Variants in NF2 observed in about 807,000 individuals in gnomAD.
NF2 encodes merlin.
Under a neutral mutation model 83.7 loss-of-function variants are expected in NF2, and 8 were observed. The observed-to-expected ratio is 0.10, with a 90% confidence interval of 0.06 to 0.17. The LOEUF is 0.17. Among genes scored for constraint, NF2 ranks in the 10% least tolerant of loss-of-function variants. The probability of loss-of-function intolerance (pLI) is 1.00; values close to 1 mark genes in which losing one functional copy is unlikely to be tolerated. For missense variants in NF2, 533 were observed against 744.4 expected, an observed-to-expected ratio of 0.72 and a Z score of 3.31; for synonymous variants, 266 against 269.6, an observed-to-expected ratio of 0.99 and a Z score of 0.13.
chr22:29,629,129 A>G (rs2065445586), intron 1 of NF2, among the ~76,000 whole-genome samples: 1 of 152,030 alleles, frequency 6.6e-6, no homozygotes, highest in South Asian at 2.1e-4. Context: ...GTTGAGAATA[A>G]TGGCTGAGGT....
rs572961843 is a variant in NF2, at chr22:29,643,995, G to A, written c.447+1710G>A. ...TGACCCCCCCACCTCCCTCCCGGAC[G>A]GGGCGGCTGGCCTGGCCGGGGGGCT... On this transcript the variant is annotated intron_variant, in intron 4 of 15. Coordinates refer to ENST00000338641, the MANE Select transcript of NF2 (RefSeq NM_000268.4). 5.8e-3 allele frequency among the ~76,000 whole-genome samples: 868 copies of A among 150,122 alleles called. 4 individuals are homozygous for A. Among genetic ancestry groups the A allele is most frequent in the Middle Eastern group, 0.025 (7 of 284 alleles).
chr22:29,653,774 T>G (rs377156333), intron 4 of NF2, among the ~76,000 whole-genome samples: 89 of 152,204 alleles, frequency 5.8e-4, no homozygotes, highest in African/African-American at 2.0e-3. Context: ...TGACCTTTGT[T>G]TTTTCACTGT....
rs1317813210 is a variant in NF2, at chr22:29,683,235, C to T, written c.1737+1634C>T. On this transcript the variant is annotated intron_variant, in intron 15 of 15. Transcript: ENST00000338641. The stretch of plus-strand genomic sequence containing the variant: ...TTTGAGTCTAAAAGTAGGCACCCAC[C>T]CTGTGAAGCCAGACCAGCCTCCAGG... The T allele has an allele frequency of 7.7e-6, 12 of 1,550,684 alleles. No individual in the cohort carries two copies. In the East Asian group the frequency reaches 2.6e-4, roughly 33 times the overall value.
At position 29,608,655 on chromosome 22, in the gene NF2, C is replaced by T. The variant is rs373694581; in HGVS notation, c.114+4543C>T. Among the ~76,000 whole-genome samples the T allele has an allele frequency of 2.1e-5, 3 of 145,668 alleles. No individual in the cohort carries two copies. In the East Asian group the frequency reaches 6.0e-4, roughly 29 times the overall value. On this transcript the variant is annotated intron_variant, in intron 1 of 15. Coordinates refer to ENST00000338641, the MANE Select transcript of NF2 (RefSeq NM_000268.4). ...CTGCCCTCCAACCTGGGTGACAGAG[C>T]GAGACTCCATCCCTGCCCTGAAAAA... is the stretch of plus-strand genomic sequence containing the variant.
intron 1 of NF2, among the ~76,000 whole-genome samples, chr22:29,622,503 G>T (rs2065238773): frequency 6.6e-6 from 1 of 152,068 alleles, no homozygotes; most frequent in Non-Finnish European, 1.5e-5. Context: ...TGCCCACCTA[G>T]ATAGCAATTG....
chr22:29,682,080 T>C (rs1235074495), intron 15 of NF2, among the ~76,000 whole-genome samples: 1 of 152,182 alleles, frequency 6.6e-6, no homozygotes, highest in Non-Finnish European at 1.5e-5. Flanking sequence ...AACCTCTTTG[T>C]TTTAAAAGAG....
intron 7 of NF2, 94 bp downstream of exon 7, chr22:29,658,358 T>TA: frequency 9.5e-7 from 1 of 1,049,506 alleles, no homozygotes; most frequent in Non-Finnish European, 1.5e-6. Flanking sequence ...TCCAAGGCGA[T>TA]AGACTCTTTT....
intron 8 of NF2, among the ~76,000 whole-genome samples, chr22:29,663,195 C>T (rs1204942471): frequency 6.6e-6 from 1 of 152,290 alleles, no homozygotes; most frequent in Non-Finnish European, 1.5e-5. Context: ...ATGTGTGCCA[C>T]CGTATGGTAG....
At chr22:29,687,022 C>T (rs1312726976) in intron 15 of NF2, among the ~76,000 whole-genome samples, 1 of 152,134 alleles carries the variant, frequency 6.6e-6, no homozygotes, top group Admixed American at 6.5e-5. Flanking sequence ...TGTGGCGTAA[C>T]TGTACCACCA....
In NF2 at chr22:29,678,480, C is replaced by G. The variant is rs942548624; in HGVS notation, c.1574+157C>G. 4.6e-5 allele frequency among the ~76,000 whole-genome samples: 7 copies of G among 152,248 alleles called. No individual in the cohort carries two copies. The East Asian group carries it at 1.3e-3, about 29-fold the overall frequency. Reference sequence around the variant, plus strand: ...TCTTACACCCTGGAGGAAGAATTTCCTTAATCAGAAATTAAGGACAACAGA... The same window carrying G: ...TCTTACACCCTGGAGGAAGAATTTCGTTAATCAGAAATTAAGGACAACAGA... On this transcript the variant is annotated intron_variant, in intron 14 of 15. Transcript: ENST00000338641.
intron 1 of NF2, among the ~76,000 whole-genome samples, chr22:29,614,652 C>A (rs926530768): frequency 2.6e-5 from 4 of 151,642 alleles, no homozygotes; most frequent in African/African-American, 9.7e-5. Context: ...GAGGCTGAGG[C>A]AGGAGAATCG....
chr22:29,612,110 C>T (rs1452314475), intron 1 of NF2, among the ~76,000 whole-genome samples: 1 of 152,118 alleles, frequency 6.6e-6, no homozygotes, highest in African/African-American at 2.4e-5. Context: ...CAGGTTAAAG[C>T]GATTCTCCTG....
chr22:29,673,221 G>T, intron 11 of NF2, 48 bp from the exon 12 acceptor site: 1 of 1,542,820 alleles, frequency 6.5e-7, no homozygotes, highest in South Asian at 1.2e-5. Context: ...ATCTGGGCGG[G>T]AGAACAGCAC....
chr22:29,609,425 G>A (rs1451060532), intron 1 of NF2: 3 of 489,898 alleles, frequency 6.1e-6, no homozygotes, highest in Non-Finnish European at 1.2e-5. Flanking sequence ...ATGGTGAGGA[G>A]TGAAGACCCT....
In NF2 at chr22:29,618,970, T is replaced by C. The variant is rs1302767803; in HGVS notation, c.114+14858T>C. Among the ~76,000 whole-genome samples the C allele has an allele frequency of 3.3e-5, 5 of 152,134 alleles. No individual in the cohort carries two copies. The East Asian group carries it at 5.8e-4, about 18-fold the overall frequency. ...AGGATGTAAACTCTGGAGGGCAGTG[T>C]AGTTGTACAGGGTAATAGTTCTATA... On this transcript the variant is annotated intron_variant, in intron 1 of 15. Transcript: ENST00000338641.
At position 29,698,159 on chromosome 22, in the gene NF2, G is replaced by C. The variant is rs1329093382; in HGVS notation, c.*3357G>C. The stretch of plus-strand genomic sequence containing the variant: ...CACAGCAGTCCCCCCAACCTGTGTT[G>C]TCCACCCTATTATTCATGTACCTGC... On this transcript the variant is annotated 3_prime_UTR_variant, in exon 16 of 16. Transcript: ENST00000338641. 3 of 232,518 alleles carry C rather than the reference G, an allele frequency of 1.3e-5. No homozygotes were observed. Among genetic ancestry groups the C allele is most frequent in the African/African-American group, 6.6e-5 (3 of 45,308 alleles). The allele number at this position is 232,518 out of a possible 1,614,324, so 14.4% of individuals were successfully genotyped here. A position where few individuals can be genotyped will look rare whatever the true frequency, so the allele number is the denominator to read the frequency against.
chr22:29,657,165 C>T (rs1157005278), intron 6 of NF2, among the ~76,000 whole-genome samples: 3 of 152,036 alleles, frequency 2.0e-5, no homozygotes, highest in Non-Finnish European at 4.4e-5. Context: ...TCTTCCTCCC[C>T]AAAGGCAACC....
At chr22:29,642,075 T>G in intron 3 of NF2, 127 bp from the exon 4 acceptor site, 2 of 773,886 alleles carry the variant, frequency 2.6e-6, no homozygotes, top group South Asian at 1.5e-5. Flanking sequence ...GTACCCTTTG[T>G]CAGAAAATTA....
rs1485195858 is a variant in NF2, at chr22:29,694,885, A to C, written c.*83A>C. 7.0e-7 allele frequency: 1 copy of C among 1,435,994 alleles called. No individual in the cohort carries two copies. Among genetic ancestry groups the C allele is most frequent in the Non-Finnish European group, 9.6e-7 (1 of 1,036,840 alleles). The allele number at this position is 1,435,994 out of a possible 1,614,324, so 89.0% of individuals were successfully genotyped here. A position where few individuals can be genotyped will look rare whatever the true frequency, so the allele number is the denominator to read the frequency against. Reference sequence around the variant, plus strand: ...GGACCAGATATCAAGAGAGCCATCCATAGGGAGCTGGCTGGGGGTTTCCGT... The same window carrying C: ...GGACCAGATATCAAGAGAGCCATCCCTAGGGAGCTGGCTGGGGGTTTCCGT... On this transcript the variant is annotated 3_prime_UTR_variant, in exon 16 of 16. Transcript: ENST00000338641. The surrounding 1 kb of genome is among the most constrained non-coding windows in gnomAD (Gnocchi z 4.1).
Sources: gnomAD v4.1 joint callset for allele counts (sites outside exome capture counted in the v4.1 genomes callset) on GRCh38, gnomAD v4.1.1 for gene constraint, Gnocchi (gnomAD v3.1) non-coding constraint, MANE v1.5 for transcripts, NCBI Gene and HGNC (gene_info 2026-07-23, HGNC 2026-07-21) for gene names.